Variants in TRDN observed in about 807,000 individuals in gnomAD.
TRDN encodes the protein triadin.
Under a neutral mutation model 149.7 loss-of-function variants are expected in TRDN, and 161 were observed. The observed-to-expected ratio is 1.08, with a 90% CI of 0.95 to 1.23. TRDN has a LOEUF of 1.23. Among genes scored for constraint, TRDN ranks in the 50% most tolerant of loss-of-function variants. The pLI, the probability that TRDN is intolerant of heterozygous loss-of-function variation, is 0.00. For synonymous variants in TRDN, 294 were observed against 250.5 expected (o/e 1.17, Z -1.64); for missense variants, 896 against 823.5 (o/e 1.09, Z -1.08).
chr6:123,257,480 C>G (rs1776604045), intron 35 of TRDN, among the ~76,000 whole-genome samples: 1 of 151,986 alleles, frequency 6.6e-6, no homozygotes, highest in Non-Finnish European at 1.5e-5. Flanking sequence ...TCTGAGGCCT[C>G]TATTCTGTTC....
chr6:123,335,130 ATT>A (rs1779814550), intron 22 of TRDN, among the ~76,000 whole-genome samples: 1 of 151,944 alleles, frequency 6.6e-6, no homozygotes, highest in African/African-American at 2.4e-5. Context: ...TAATATTAAA[ATT>A]TTGTCTTTGA....
intron 38 of TRDN, among the ~76,000 whole-genome samples, chr6:123,229,333 A>G (rs1200423933): frequency 6.6e-6 from 1 of 151,948 alleles, no homozygotes; most frequent in Non-Finnish European, 1.5e-5. Flanking sequence ...ATAAATTTAC[A>G]ATAGAAAGTC....
chr6:123,456,630 G>A (rs552545105), intron 10 of TRDN, among the ~76,000 whole-genome samples: 12 of 151,890 alleles, frequency 7.9e-5, no homozygotes, highest in Middle Eastern at 3.2e-3. Flanking sequence ...CTCCATGCCC[G>A]GCTAATTTTT....
chr6:123,630,136 T>C (rs1785909402), intron 1 of TRDN, among the ~76,000 whole-genome samples: 1 of 146,776 alleles, frequency 6.8e-6, no homozygotes, highest in African/African-American at 2.7e-5. Flanking sequence ...TAATGCATAG[T>C]TGCCAGATGA....
chr6:123,297,257 T>C (rs1393273478), intron 24 of TRDN, among the ~76,000 whole-genome samples: 1 of 152,086 alleles, frequency 6.6e-6, no homozygotes, highest in African/African-American at 2.4e-5. Flanking sequence ...TCACTTTTCA[T>C]CTCAGACAGT....
At chr6:123,635,827 A>C (rs917071597) in intron 1 of TRDN, among the ~76,000 whole-genome samples, 3 of 151,938 alleles carry the variant, frequency 2.0e-5, no homozygotes, top group African/African-American at 7.2e-5. Flanking sequence ...TTTTACCTCA[A>C]CTAGAACCAG....
chr6:123,303,526 C>T (rs1354935973), intron 24 of TRDN, among the ~76,000 whole-genome samples: 2 of 152,046 alleles, frequency 1.3e-5, no homozygotes, highest in East Asian at 3.9e-4. Flanking sequence ...ATGTTTACCG[C>T]TAGAAAGTCA....
intron 38 of TRDN, among the ~76,000 whole-genome samples, chr6:123,225,423 C>T (rs1775317162): frequency 6.6e-6 from 1 of 151,668 alleles, no homozygotes; most frequent in African/African-American, 2.4e-5. Context: ...CCAGCAATTT[C>T]ACTTCTGGGT....
At chr6:123,352,110 T>C (rs1004402144) in intron 21 of TRDN, 5 of 983,256 alleles carry the variant, frequency 5.1e-6, no homozygotes, top group Admixed American at 1.2e-4. Context: ...TTCTTCATTT[T>C]AACTTTTACA....
At chr6:123,247,460 CAA>C (rs1252647521) in intron 38 of TRDN, among the ~76,000 whole-genome samples, 3 of 152,092 alleles carry the variant, frequency 2.0e-5, no homozygotes, top group Non-Finnish European at 4.4e-5. Context: ...CAATAATAGA[CAA>C]ACAGAGAGCC....
intron 8 of TRDN, among the ~76,000 whole-genome samples, chr6:123,497,697 T>C (rs1778508099): frequency 6.6e-6 from 1 of 152,142 alleles, no homozygotes; most frequent in Non-Finnish European, 1.5e-5. Context: ...TAATTGTCTC[T>C]ATGGAGCAGC....
intron 1 of TRDN, among the ~76,000 whole-genome samples, chr6:123,596,252 G>T (rs560810458): frequency 2.0e-5 from 3 of 152,170 alleles, no homozygotes; most frequent in South Asian, 4.1e-4. Context: ...CCAGACCAAG[G>T]CACTAACTCT....
rs1333143044 is a variant in TRDN, at chr6:123,377,846, A to G, written c.1219+20T>C. 1.3e-6 allele frequency: 2 copies of G among 1,592,358 alleles called. No homozygotes were observed. The highest frequency in any genetic ancestry group is 3.4e-5 in the Admixed American group (2 of 58,446). ...TAATATTATGAAATTGTGAGAACAG[A>G]GGAATTTAAAAACAGTTACCTGGTT... is the stretch of plus-strand genomic sequence containing the variant. On this transcript the variant is annotated intron_variant, in intron 17 of 40. Transcript: ENST00000334268.
intron 8 of TRDN, chr6:123,503,184 T>G: frequency 1.0e-6 from 1 of 984,970 alleles, no homozygotes; most frequent in Non-Finnish European, 1.2e-6. Context: ...TTGAGAACTG[T>G]CTTCTCTATA....
chr6:123,532,852 C>T (rs1045065285), intron 4 of TRDN, among the ~76,000 whole-genome samples: 24 of 151,112 alleles, frequency 1.6e-4, no homozygotes, highest in African/African-American at 5.6e-4. Flanking sequence ...GTCTAAGGCA[C>T]GTCTAATCCC....
intron 4 of TRDN, among the ~76,000 whole-genome samples, chr6:123,534,117 T>C (rs1337844948): frequency 6.6e-6 from 1 of 152,080 alleles, no homozygotes; most frequent in Non-Finnish European, 1.5e-5. Flanking sequence ...TTTAAAAAGA[T>C]ACACACACAG....
rs768555461 is a variant in TRDN at position 123,271,168 on chromosome 6, T to C, written c.1691A>G (p.Gln564Arg). Reference sequence around the variant, plus strand: ...TTTTTCTATTGTGACAGCTTTTACCTGCTTGAGAACTTTTTCTTCTGTGAT... The same window carrying C: ...TTTTTCTATTGTGACAGCTTTTACCCGCTTGAGAACTTTTTCTTCTGTGAT... ...HGKPEEKVLK[Q>R]VKAVTIEKTA... Residue 564 changes from glutamine (Q) to arginine (R), a missense_variant, in exon 30 of 41, where the codon CAG (glutamine) becomes CGG (arginine). By Grantham distance (43) the Gln-to-Arg change is conservative (BLOSUM62 1). Coordinates refer to ENST00000334268, the MANE Select transcript of TRDN (RefSeq NM_006073.4). The C allele has an allele frequency of 2.3e-5, 35 of 1,541,272 alleles. No homozygotes were observed. The South Asian group carries it at 4.1e-4, about 18-fold the overall frequency.
Position 123,218,721 on chromosome 6 carries a change from C to T in TRDN, c.2070G>A (p.Gln690=). The T allele has an allele frequency of 6.3e-7, 1 of 1,576,302 alleles. No homozygotes were observed. Among genetic ancestry groups the T allele is most frequent in the Non-Finnish European group, 8.6e-7 (1 of 1,158,530 alleles). The part of the protein sequence containing the change: ...TKQKSPISFF[Q]CVYLDGYNGY... ...CATTGTACCCATCCAAGTAGACACA[C>T]TGGAAGAAACTGATGGGACCTAAGG... Residue 690 remains glutamine, a synonymous_variant, in exon 41 of 41, where the codon CAG becomes CAA. Coordinates refer to ENST00000334268, the MANE Select transcript of TRDN (RefSeq NM_006073.4).
intron 38 of TRDN, among the ~76,000 whole-genome samples, chr6:123,239,419 A>G (rs1775906800): frequency 6.6e-6 from 1 of 152,200 alleles, no homozygotes; most frequent in Non-Finnish European, 1.5e-5. Flanking sequence ...TTTAACGGCT[A>G]TAGAATTGTG....
Sources: gnomAD v4.1 joint callset for allele counts (sites outside exome capture counted in the v4.1 genomes callset) on GRCh38, gnomAD v4.1.1 for gene constraint, MANE v1.5 for transcripts, NCBI Gene and HGNC (gene_info 2026-07-23, HGNC 2026-07-21) for gene names.